Variants in C2orf42 observed in about 807,000 individuals in gnomAD.
The protein encoded by C2orf42 is uncharacterized protein C2orf42.
In C2orf42, 44 loss-of-function variants were observed where a neutral mutation model predicts 58.9. That is an observed-to-expected ratio of 0.75 (90% confidence interval 0.59 to 0.96). The LOEUF (loss-of-function observed/expected upper bound fraction) is 0.96, where lower values mean the gene tolerates loss of function less well. Ranked by LOEUF, C2orf42 falls within the 40% of genes least tolerant of loss-of-function variation. The probability of loss-of-function intolerance (pLI) is 0.00; values close to 1 mark genes in which losing one functional copy is unlikely to be tolerated. For missense variants in C2orf42, 630 were observed against 699.2 expected (o/e 0.90, Z 1.12); for synonymous variants, 239 against 265.4 (o/e 0.90, Z 0.97).
intron 8 of C2orf42, among the ~76,000 whole-genome samples, chr2:70,162,021 T>C (rs1302909984): frequency 6.6e-6 from 1 of 151,350 alleles, no homozygotes; most frequent in Non-Finnish European, 1.5e-5. Context: ...CTTTTTTTCT[T>C]TTTTTTTGGA....
chr2:70,169,365 A>AT (rs1406942188), intron 6 of C2orf42, among the ~76,000 whole-genome samples, 192 bp downstream of exon 6: 1 of 152,132 alleles, frequency 6.6e-6, no homozygotes, highest in East Asian at 1.9e-4. Flanking sequence ...TCTCTAAATT[A>AT]TAATAATTTT....
rs189492535 is a variant in C2orf42, at chr2:70,150,061, G to A, written c.*295C>T. 7.3e-5 allele frequency: 30 copies of A among 410,726 alleles called. No individual in the cohort carries two copies. In the East Asian group the frequency reaches 1.4e-3, roughly 19 times the overall value. The allele number at this position is 410,726 out of a possible 1,614,324, so 25.4% of individuals were successfully genotyped here. ...GAATTAGCAAAAGGTTGAAATAAAC[G>A]CTAAAGATGAGTCCGTAAGAAGGAA... On this transcript the variant is annotated 3_prime_UTR_variant, in exon 10 of 10. Transcript: ENST00000264434.
At chr2:70,166,220 G>A (rs1216505414) in intron 6 of C2orf42, among the ~76,000 whole-genome samples, 1 of 151,450 alleles carries the variant, frequency 6.6e-6, no homozygotes, top group Admixed American at 6.6e-5. Context: ...CAGGCGTGGT[G>A]GTATGCACCT....
chr2:70,155,325 ATTTTAAAAATTCT>A (rs1327754950), intron 9 of C2orf42, among the ~76,000 whole-genome samples: 2 of 152,140 alleles, frequency 1.3e-5, no homozygotes, highest in Non-Finnish European at 2.9e-5. Context: ...CCCCTGGCTA[ATTTTAAAAATTCT>A]TTTATAGAGA....
chr2:70,178,950 G>T (rs1173157074), intron 4 of C2orf42, among the ~76,000 whole-genome samples: 1 of 151,474 alleles, frequency 6.6e-6, no homozygotes, highest in Non-Finnish European at 1.5e-5. Flanking sequence ...AAAAAAATGT[G>T]TGTGTGGGTG....
intron 3 of C2orf42, 85 bp from the exon 4 acceptor site, chr2:70,179,727 C>G (rs1674426685): frequency 5.9e-6 from 3 of 507,686 alleles, no homozygotes; most frequent in Non-Finnish European, 1.1e-5. Flanking sequence ...AAGTTAATTT[C>G]TTTTTAAAAA....
intron 8 of C2orf42, among the ~76,000 whole-genome samples, chr2:70,164,706 T>A (rs948574624): frequency 6.6e-6 from 1 of 152,178 alleles, no homozygotes; most frequent in Non-Finnish European, 1.5e-5. Context: ...GAGGAGGGTT[T>A]AACTGTGCTG....
intron 6 of C2orf42, among the ~76,000 whole-genome samples, chr2:70,167,163 C>CA (rs1673459141): frequency 4.6e-5 from 7 of 151,778 alleles, no homozygotes; most frequent in African/African-American, 1.5e-4. Flanking sequence ...TTGAGACCAT[C>CA]CTGGCTAACA....
intron 7 of C2orf42, 59 bp from the exon 8 acceptor site, chr2:70,165,251 T>C (rs1426217000): frequency 8.0e-6 from 8 of 1,004,616 alleles, no homozygotes; most frequent in Non-Finnish European, 1.2e-5. Context: ...TCTTTTGTTG[T>C]ATTTGTTACC....
chr2:70,161,335 G>A (rs551405795), intron 8 of C2orf42, among the ~76,000 whole-genome samples: 14 of 152,262 alleles, frequency 9.2e-5, no homozygotes, highest in African/African-American at 3.1e-4. Flanking sequence ...ATGAGGTGAC[G>A]GAGGTAAGTA....
At chr2:70,163,995 C>A (rs1027355897) in intron 8 of C2orf42, among the ~76,000 whole-genome samples, 17 of 151,738 alleles carry the variant, frequency 1.1e-4, no homozygotes, top group African/African-American at 9.7e-5. Flanking sequence ...CATAGCAAGA[C>A]CCTATCTTAA....
intron 9 of C2orf42, among the ~76,000 whole-genome samples, chr2:70,150,997 G>C (rs1365253851): frequency 6.6e-6 from 1 of 152,140 alleles, no homozygotes; most frequent in Non-Finnish European, 1.5e-5. Context: ...GCCCACCTCA[G>C]ACTCCCAAGT....
At chr2:70,156,738 T>C (rs1672701494) in intron 9 of C2orf42, among the ~76,000 whole-genome samples, 1 of 151,850 alleles carries the variant, frequency 6.6e-6, no homozygotes, top group African/African-American at 2.4e-5. Flanking sequence ...GGCACATGCC[T>C]GTAGTCCCAG....
At chr2:70,161,578 C>T (rs1007019097) in intron 8 of C2orf42, among the ~76,000 whole-genome samples, 7 of 152,036 alleles carry the variant, frequency 4.6e-5, no homozygotes, top group South Asian at 2.1e-4. Context: ...TGGTGGCTCA[C>T]GCCTGTAATC....
intron 7 of C2orf42, 142 bp downstream of exon 7, chr2:70,165,386 T>C (rs1673329559): frequency 1.6e-6 from 1 of 637,348 alleles, no homozygotes; most frequent in Non-Finnish European, 2.8e-6. Context: ...GATATGCTGA[T>C]CATTGAAGGC....
intron 5 of C2orf42, 33 bp downstream of exon 5, chr2:70,175,640 C>T: frequency 8.1e-7 from 1 of 1,240,320 alleles, no homozygotes; most frequent in East Asian, 2.3e-5. Context: ...GACTTTCCAC[C>T]ACTGTAGCCT....
chr2:70,174,915 G>A (rs1382026510), intron 5 of C2orf42, among the ~76,000 whole-genome samples: 1 of 150,674 alleles, frequency 6.6e-6, no homozygotes, highest in Non-Finnish European at 1.5e-5. Context: ...CAGGTGATCT[G>A]CCTGCCTCAG....
intron 8 of C2orf42, 61 bp from the exon 9 acceptor site, chr2:70,160,848 C>A (rs1673014386): frequency 4.8e-6 from 5 of 1,042,932 alleles, no homozygotes; most frequent in South Asian, 1.7e-5. Context: ...CAGACCAATA[C>A]CTGGATGACG....
At chr2:70,155,686 G>A (rs900218821) in intron 9 of C2orf42, among the ~76,000 whole-genome samples, 2 of 151,794 alleles carry the variant, frequency 1.3e-5, no homozygotes, top group African/African-American at 4.8e-5. Context: ...TGTAGTCCCA[G>A]CTACTCGGGA....
Sources: gnomAD v4.1 joint callset for allele counts (sites outside exome capture counted in the v4.1 genomes callset) on GRCh38, gnomAD v4.1.1 for gene constraint, MANE v1.5 for transcripts, NCBI Gene and HGNC (gene_info 2026-07-23, HGNC 2026-07-21) for gene names.